Variants in BTLA observed in about 807,000 individuals in gnomAD.
BTLA encodes the protein B and T lymphocyte associated, also known as B- and T-lymphocyte attenuator.
In BTLA, 11 loss-of-function variants were observed where a neutral mutation model predicts 25.0. That is an observed-to-expected ratio of 0.44 (90% CI 0.28 to 0.73). BTLA has a LOEUF of 0.73. BTLA is among the 30% of genes least tolerant of loss of function. The pLI, the probability that BTLA is intolerant of heterozygous loss-of-function variation, is 0.15. For missense variants in BTLA, 282 were observed against 332.8 expected (o/e 0.85, Z 1.19); for synonymous variants, 104 against 119.8 (o/e 0.87, Z 0.86).
Position 112,471,209 on chromosome 3 carries a change from C to T in BTLA, c.547+3G>A, listed in dbSNP as rs774180422. On this transcript the variant is annotated splice_donor_region_variant and intron_variant, in intron 3 of 4. Transcript: ENST00000334529. ...CTGGGGGCAGAGGGAAAATAGAACC[C>T]ACCTTGGTGCCTTCTCAGGCAGCAG... The T allele has an allele frequency of 4.3e-6, 7 of 1,613,434 alleles. No individual in the cohort carries two copies. Among genetic ancestry groups the T allele is most frequent in the East Asian group, 2.2e-5 (1 of 44,854 alleles).
intron 1 of BTLA, among the ~76,000 whole-genome samples, chr3:112,489,665 A>G (rs915082974): frequency 6.6e-6 from 1 of 152,262 alleles, no homozygotes; most frequent in African/African-American, 2.4e-5. Flanking sequence ...TAATAAACCA[A>G]TAATTTTCTG....
chr3:112,489,867 G>A (rs534836845), intron 1 of BTLA, among the ~76,000 whole-genome samples: 68 of 152,280 alleles, frequency 4.5e-4, no homozygotes, highest in South Asian at 4.1e-3. Context: ...GGAGGGGAGA[G>A]ATGATGGCCA....
At position 112,464,567 on chromosome 3, in the gene BTLA, G is replaced by A. The variant is rs761025046; in HGVS notation, c.*1541C>T. 6 of 163,582 alleles carry A rather than the reference G, an allele frequency of 3.7e-5. No individual in the cohort carries two copies. 10.1% of individuals were successfully genotyped at this position (163,582 alleles called of 1,614,324 possible). ...AGAATATTTGCACCCCCAAATCTAA[G>A]GAGCTAAAACTTAATGCCAGTGTTA... On this transcript the variant is annotated 3_prime_UTR_variant, in exon 5 of 5. Coordinates refer to ENST00000334529, the MANE Select transcript of BTLA (RefSeq NM_181780.4).
chr3:112,488,133 G>A (rs1442235323), intron 1 of BTLA, among the ~76,000 whole-genome samples: 8 of 151,748 alleles, frequency 5.3e-5, no homozygotes, highest in Admixed American at 2.6e-4. Flanking sequence ...TTGTCACAGC[G>A]TACCAAATGG....
At chr3:112,473,455 A>G (rs574951350) in intron 2 of BTLA, among the ~76,000 whole-genome samples, 4 of 152,220 alleles carry the variant, frequency 2.6e-5, no homozygotes, top group Middle Eastern at 3.4e-3. Context: ...TAGTCTGCAC[A>G]ATGATATCTC....
intron 1 of BTLA, among the ~76,000 whole-genome samples, chr3:112,486,686 T>C (rs572350856): frequency 1.3e-5 from 2 of 152,342 alleles, no homozygotes; most frequent in African/African-American, 4.8e-5. Flanking sequence ...AGTTTTATTT[T>C]CTAAAGTTAG....
chr3:112,495,074 G>A (rs2082401992), intron 1 of BTLA, among the ~76,000 whole-genome samples: 2 of 152,178 alleles, frequency 1.3e-5, no homozygotes, highest in Non-Finnish European at 2.9e-5. Context: ...TGAATGGCAT[G>A]CCATGCACTA....
chr3:112,483,277 T>C (rs1481876191), intron 1 of BTLA, among the ~76,000 whole-genome samples: 1 of 149,792 alleles, frequency 6.7e-6, no homozygotes, highest in Non-Finnish European at 1.5e-5. Flanking sequence ...GCCTCCCGGG[T>C]AACTGGGATT....
intron 4 of BTLA, among the ~76,000 whole-genome samples, chr3:112,468,614 C>A (rs2082243463): frequency 6.6e-6 from 1 of 152,174 alleles, no homozygotes; most frequent in Non-Finnish European, 1.5e-5. Context: ...ATGTCCACAG[C>A]TTAACCAACC....
intron 1 of BTLA, among the ~76,000 whole-genome samples, chr3:112,498,014 T>C (rs1297935299): frequency 1.3e-5 from 2 of 152,094 alleles, no homozygotes; most frequent in Non-Finnish European, 2.9e-5. Flanking sequence ...ATTGCATCCA[T>C]AGCTTGGCTG....
intron 2 of BTLA, among the ~76,000 whole-genome samples, chr3:112,474,892 G>A (rs370364735): frequency 6.6e-6 from 1 of 152,270 alleles, no homozygotes; most frequent in East Asian, 1.9e-4. Flanking sequence ...AAAGGTGGTG[G>A]GATCAAACTG....
At chr3:112,493,913 C>T (rs991671811) in intron 1 of BTLA, among the ~76,000 whole-genome samples, 1 of 152,146 alleles carries the variant, frequency 6.6e-6, no homozygotes, top group Admixed American at 6.5e-5. Context: ...GAGATCAAGA[C>T]CATCCTGACT....
intron 1 of BTLA, 116 bp downstream of exon 1, chr3:112,499,148 GGTTTCAT>G: frequency 3.0e-6 from 2 of 659,008 alleles, no homozygotes; most frequent in South Asian, 4.5e-5. Context: ...GTAACAGCTT[GGTTTCAT>G]CTACGATTAC....
intron 1 of BTLA, among the ~76,000 whole-genome samples, chr3:112,487,442 G>A (rs1385777372): frequency 6.6e-6 from 1 of 152,144 alleles, no homozygotes; most frequent in Non-Finnish European, 1.5e-5. Flanking sequence ...AAAATTAGCT[G>A]GGTATGGTGG....
rs186685584 is a variant in BTLA at position 112,477,931 on chromosome 3, G to A, written c.403+1524C>T. Among the ~76,000 whole-genome samples the A allele has an allele frequency of 1.1e-4, 17 of 151,548 alleles. No homozygotes were observed. The East Asian group carries it at 2.1e-3, about 19-fold the overall frequency. The stretch of plus-strand genomic sequence containing the variant: ...CCCTTATCAAAAATCAATTGACTAC[G>A]GATGTATGGAGTTTATTCTGGACTC... On this transcript the variant is annotated intron_variant, in intron 2 of 4. Transcript: ENST00000334529.
chr3:112,485,976 G>C (rs1359713502), intron 1 of BTLA, among the ~76,000 whole-genome samples: 1 of 152,176 alleles, frequency 6.6e-6, no homozygotes, highest in Non-Finnish European at 1.5e-5. Flanking sequence ...AATTAGCCGG[G>C]CGTGGTGGCG....
intron 2 of BTLA, among the ~76,000 whole-genome samples, chr3:112,471,617 T>C (rs76992630): frequency 0.016 from 2,495 of 152,326 alleles, 63 homozygotes; most frequent in African/African-American, 0.056. Flanking sequence ...ACAATCTTCA[T>C]GATAACTGTC....
At chr3:112,471,418 C>T in intron 2 of BTLA, 63 bp from the exon 3 acceptor site, 5 of 1,542,292 alleles carry the variant, frequency 3.2e-6, no homozygotes, top group East Asian at 2.3e-5. Flanking sequence ...ATCAGCGGCA[C>T]CCCTCTGCAT....
At chr3:112,474,118 G>T (rs2082277139) in intron 2 of BTLA, among the ~76,000 whole-genome samples, 1 of 152,150 alleles carries the variant, frequency 6.6e-6, no homozygotes, top group Non-Finnish European at 1.5e-5. Flanking sequence ...TCACAGTCCT[G>T]TTCTTACATG....
Sources: allele counts gnomAD v4.1 joint callset (sites outside exome capture counted in the v4.1 genomes callset), GRCh38; gene constraint gnomAD v4.1.1; transcripts MANE v1.5; gene names NCBI Gene and HGNC (gene_info 2026-07-23, HGNC 2026-07-21).